The following SIPA1L3 variants were observed in gnomAD, a reference collection of about 807,000 sequenced individuals.
SIPA1L3 encodes signal induced proliferation associated 1 like 3.
A neutral mutation model predicts 150.1 loss-of-function variants in SIPA1L3; 59 were observed. The ratio of observed to expected loss-of-function variants is 0.39; its 90% confidence interval spans 0.32 to 0.49. The LOEUF is 0.49. Ranked by LOEUF, SIPA1L3 falls within the 20% of genes least tolerant of loss-of-function variation. The pLI, the probability that SIPA1L3 is intolerant of heterozygous loss-of-function variation, is 0.86. For missense variants in SIPA1L3, 2,211 were observed against 2,489.5 expected (o/e 0.89, Z 2.38); for synonymous variants, 1,070 against 1,077.6 (o/e 0.99, Z 0.14).
At chr19:38,104,860 C>T (rs1009738224) in intron 6 of SIPA1L3, among the ~76,000 whole-genome samples, 2 of 151,738 alleles carry the variant, frequency 1.3e-5, no homozygotes, top group Non-Finnish European at 2.9e-5. Flanking sequence ...TGTGAGCCAC[C>T]GCGCCTGGCC....
chr19:38,034,503 G>A (rs1968733866), intron 2 of SIPA1L3, among the ~76,000 whole-genome samples: 1 of 143,294 alleles, frequency 7.0e-6, no homozygotes, highest in South Asian at 2.4e-4. Flanking sequence ...ACACTTTGTT[G>A]CCTCATAAGA....
intron 1 of SIPA1L3, among the ~76,000 whole-genome samples, chr19:37,990,060 G>C (rs78052110): frequency 3.3e-5 from 5 of 152,104 alleles, no homozygotes; most frequent in Admixed American, 2.6e-4. Flanking sequence ...CTGGTGGAGT[G>C]GGGGAGGGGA....
intron 15 of SIPA1L3, among the ~76,000 whole-genome samples, chr19:38,172,466 C>G (rs1482545419): frequency 2.0e-5 from 3 of 152,100 alleles, no homozygotes; most frequent in African/African-American, 7.2e-5. Flanking sequence ...GTGGAGTGTG[C>G]CAGGAGGTGA....
chr19:38,058,990 A>C (rs1313933257), intron 2 of SIPA1L3, among the ~76,000 whole-genome samples: 9 of 147,758 alleles, frequency 6.1e-5, no homozygotes, highest in Non-Finnish European at 1.2e-4. Context: ...CCGCCACTGC[A>C]CTCCAGCCTG....
chr19:38,124,420 C>T (rs1458712093), intron 9 of SIPA1L3, among the ~76,000 whole-genome samples: 2,889 of 147,964 alleles, frequency 0.02, 135 homozygotes, highest in African/African-American at 0.071. Flanking sequence ...CGGGCAGAGA[C>T]GTTCCTCACT....
chr19:37,958,778 T>C (rs935139406), intron 1 of SIPA1L3, among the ~76,000 whole-genome samples: 1 of 152,218 alleles, frequency 6.6e-6, no homozygotes, highest in Admixed American at 6.5e-5. Context: ...AGAAGATAAT[T>C]GCAAATCATG....
intron 2 of SIPA1L3, among the ~76,000 whole-genome samples, chr19:38,053,967 A>T (rs925982349): frequency 1.3e-5 from 2 of 152,064 alleles, no homozygotes; most frequent in Admixed American, 6.5e-5. Flanking sequence ...ACCAAATACA[A>T]ATGAGGCAAC....
At chr19:38,155,690 A>AC (rs1302843954) in intron 13 of SIPA1L3, among the ~76,000 whole-genome samples, 2 of 151,994 alleles carry the variant, frequency 1.3e-5, no homozygotes, top group Non-Finnish European at 2.9e-5. Context: ...GGGAGAGCTG[A>AC]CCCCATCAGC....
intron 18 of SIPA1L3, 58 bp from the exon 19 acceptor site, chr19:38,198,331 A>T: frequency 6.9e-7 from 1 of 1,439,112 alleles, no homozygotes; most frequent in Non-Finnish European, 9.2e-7. Context: ...GTCTTCATGT[A>T]TTTGTGTCTC....
intron 15 of SIPA1L3, among the ~76,000 whole-genome samples, chr19:38,178,086 G>GGT (rs765404105): frequency 0.082 from 10,715 of 130,464 alleles, 379 homozygotes; most frequent in Non-Finnish European, 0.097. Context: ...GCAGGCTTTT[G>GGT]GTGTGTGTGT....
chr19:38,198,175 C>T (rs10402883), intron 18 of SIPA1L3, among the ~76,000 whole-genome samples: 1,682 of 152,342 alleles, frequency 0.011, 34 homozygotes, highest in African/African-American at 0.038. Context: ...TCCTCCCCTT[C>T]AGAGTTTTGT....
At chr19:38,011,748 C>T (rs1968103888) in intron 1 of SIPA1L3, among the ~76,000 whole-genome samples, 1 of 152,062 alleles carries the variant, frequency 6.6e-6, no homozygotes, top group African/African-American at 2.4e-5. Context: ...GGAGGTGATC[C>T]CTGTTTGATG....
chr19:38,190,139 T>C (rs1972774931), intron 16 of SIPA1L3, among the ~76,000 whole-genome samples: 1 of 152,090 alleles, frequency 6.6e-6, no homozygotes, highest in East Asian at 1.9e-4. Context: ...GCACATTTTA[T>C]TCATGCTTCC....
chr19:38,204,634 G>A (rs868781933), intron 21 of SIPA1L3, among the ~76,000 whole-genome samples: 2 of 152,008 alleles, frequency 1.3e-5, no homozygotes, highest in African/African-American at 4.8e-5. Context: ...GTGTGGTGGC[G>A]GGTGCCTGTA....
At chr19:38,036,811 G>A (rs549776311) in intron 2 of SIPA1L3, among the ~76,000 whole-genome samples, 3 of 152,224 alleles carry the variant, frequency 2.0e-5, no homozygotes, top group Non-Finnish European at 4.4e-5. Context: ...AGGCTGACAG[G>A]AGCTCCCCCC....
At chr19:38,088,629 C>T in intron 3 of SIPA1L3, 92 bp from the exon 4 acceptor site, 1 of 1,484,874 alleles carries the variant, frequency 6.7e-7, no homozygotes, top group South Asian at 1.3e-5. Context: ...GCACAGGACC[C>T]TGCCTGGTCG....
chr19:38,192,318 G>T lies in SIPA1L3; in HGVS notation c.4596+8G>T, dbSNP rs778343089. The T allele has an allele frequency of 6.3e-7, 1 of 1,592,458 alleles. No individual in the cohort carries two copies. Among genetic ancestry groups the T allele is most frequent in the Admixed American group, 1.8e-5 (1 of 56,510 alleles). Reference sequence around the variant, plus strand: ...CAGGAGAGAGACACGGGAGTACGTAGGGCCCTGTCCCCCGCTCCCGACCCC... The same window carrying T: ...CAGGAGAGAGACACGGGAGTACGTATGGCCCTGTCCCCCGCTCCCGACCCC... On this transcript the variant is annotated splice_region_variant and intron_variant, in intron 17 of 21. Coordinates refer to ENST00000222345, the MANE Select transcript of SIPA1L3 (RefSeq NM_015073.3).
chr19:38,111,360 GC>G (rs1411465636), intron 8 of SIPA1L3, among the ~76,000 whole-genome samples: 2 of 152,120 alleles, frequency 1.3e-5, no homozygotes, highest in African/African-American at 4.8e-5. Flanking sequence ...TACATGAAGT[GC>G]TTTTTGTTCT....
intron 6 of SIPA1L3, among the ~76,000 whole-genome samples, chr19:38,103,358 G>A (rs1970550530): frequency 6.6e-6 from 1 of 152,048 alleles, no homozygotes; most frequent in African/African-American, 2.4e-5. Flanking sequence ...TGGGCGCAAT[G>A]GCCCACGCCT....
Sources: gnomAD v4.1 joint callset for allele counts (sites outside exome capture counted in the v4.1 genomes callset) on GRCh38, gnomAD v4.1.1 for gene constraint, MANE v1.5 for transcripts, NCBI Gene and HGNC (gene_info 2026-07-23, HGNC 2026-07-21) for gene names.